The following ATOH8 variants were observed in gnomAD, a reference collection of about 807,000 sequenced individuals.
The protein encoded by ATOH8 is atonal bHLH transcription factor 8.
In ATOH8, 9 loss-of-function variants were observed where a neutral mutation model predicts 21.2. That is an observed-to-expected ratio of 0.42 (90% CI 0.26 to 0.74). ATOH8 has a LOEUF of 0.74. Among genes scored for constraint, ATOH8 ranks in the 30% least tolerant of loss-of-function variants. ATOH8 has a pLI of 0.24. For missense variants in ATOH8, 524 were observed against 470.9 expected (o/e 1.11, Z -1.04); for synonymous variants, 253 against 224.0 (o/e 1.13, Z -1.16).
intron 2 of ATOH8, among the ~76,000 whole-genome samples, chr2:85,764,384 G>T (rs1259019864): frequency 1.3e-5 from 2 of 152,204 alleles, no homozygotes; most frequent in Non-Finnish European, 1.5e-5. Flanking sequence ...GTAACCGGCT[G>T]CTGGGTGACC....
intron 2 of ATOH8, among the ~76,000 whole-genome samples, chr2:85,782,642 G>A (rs1413464760): frequency 1.3e-5 from 2 of 152,104 alleles, no homozygotes; most frequent in African/African-American, 2.4e-5. Context: ...AAATGCCTGT[G>A]ACCAAAAGTA....
intron 1 of ATOH8, among the ~76,000 whole-genome samples, chr2:85,756,105 C>G (rs556345791): frequency 7.2e-6 from 1 of 139,610 alleles, no homozygotes; most frequent in African/African-American, 2.7e-5. Context: ...AAATTGAATC[C>G]TTGGAGGAAA....
intron 2 of ATOH8, among the ~76,000 whole-genome samples, chr2:85,764,983 G>C (rs1679970075): frequency 1.3e-5 from 2 of 152,228 alleles, no homozygotes; most frequent in Non-Finnish European, 2.9e-5. Context: ...CTTGTACGAA[G>C]CCTGATGTGG....
rs1437112645 is a variant in ATOH8 at position 85,790,831 on chromosome 2, G to A, written c.*3941G>A. ...CGCTGTGGTCAGCCGTGGGAAGCCGGCGAGGGGACTGGAGTTGGGGCTACA... is the reference window on the plus strand; with the variant it reads ...CGCTGTGGTCAGCCGTGGGAAGCCGACGAGGGGACTGGAGTTGGGGCTACA... On this transcript the variant is annotated 3_prime_UTR_variant, in exon 3 of 3. Transcript: ENST00000306279. Among the ~76,000 whole-genome samples, 1 of 152,200 alleles carries A rather than the reference G, an allele frequency of 6.6e-6. No homozygotes were observed. The highest frequency in any genetic ancestry group is 1.5e-5 in the Non-Finnish European group (1 of 68,038).
chr2:85,777,237 T>C (rs1472229551), intron 2 of ATOH8, among the ~76,000 whole-genome samples: 2 of 152,144 alleles, frequency 1.3e-5, no homozygotes, highest in Non-Finnish European at 2.9e-5. Context: ...CCCCTCGGTA[T>C]GGTCTTTGGA....
chr2:85,755,031 C>A, intron 1 of ATOH8, 74 bp downstream of exon 1: 4 of 1,479,958 alleles, frequency 2.7e-6, no homozygotes. Context: ...GTGGCCGGGG[C>A]GGGATAGAGG....
Position 85,766,020 on chromosome 2 carries a change from CT to C in ATOH8, c.960+1839del, listed in dbSNP as rs1680005519. Among the ~76,000 whole-genome samples the C allele has an allele frequency of 6.6e-6, 1 of 152,110 alleles. No homozygotes were observed. The highest frequency in any genetic ancestry group is 2.4e-5 in the African/African-American group (1 of 41,404). On this transcript the variant is annotated intron_variant, in intron 2 of 2. Transcript: ENST00000306279. The surrounding 1 kb of genome is among the most constrained non-coding windows in gnomAD (Gnocchi z 4.0). The stretch of plus-strand genomic sequence containing the variant: ...CCCGAGTTCAAGCCCTGGCTCACCA[CT>C]CACCAGCTGTGTTATCCTGCACCCA...
intron 1 of ATOH8, among the ~76,000 whole-genome samples, chr2:85,759,066 A>C (rs1324428564): frequency 6.6e-6 from 1 of 152,150 alleles, no homozygotes; most frequent in Non-Finnish European, 1.5e-5. Context: ...CTCTCTACGG[A>C]GGACATGCCA....
intron 2 of ATOH8, among the ~76,000 whole-genome samples, chr2:85,771,433 A>G (rs922761088): frequency 2.0e-5 from 3 of 152,190 alleles, no homozygotes; most frequent in Non-Finnish European, 4.4e-5. Context: ...TCATGAATTT[A>G]TAGCTACAAG....
At chr2:85,770,453 G>A (rs1680150422) in intron 2 of ATOH8, among the ~76,000 whole-genome samples, 1 of 152,040 alleles carries the variant, frequency 6.6e-6, no homozygotes, top group Admixed American at 6.5e-5. Context: ...AGGGGGGTGG[G>A]TGGGAAACCA....
At chr2:85,783,066 C>T (rs778924832) in intron 2 of ATOH8, among the ~76,000 whole-genome samples, 12 of 152,184 alleles carry the variant, frequency 7.9e-5, no homozygotes, top group African/African-American at 1.9e-4. Context: ...AAACAGGCCA[C>T]GTCCCTGCCC....
chr2:85,780,970 T>C (rs1680471263), intron 2 of ATOH8: 1 of 987,788 alleles, frequency 1.0e-6, no homozygotes, highest in Non-Finnish European at 1.2e-6. Context: ...TCCAGGTCCC[T>C]GGGGAGCTTG....
rs1680645278 is a variant in ATOH8 at position 85,787,263 on chromosome 2, T to G, written c.*373T>G. On this transcript the variant is annotated 3_prime_UTR_variant, in exon 3 of 3. Transcript: ENST00000306279. ...AAAAGCCACACCGTTGCTCTGTGAC[T>G]TTTGCTCCTCCTGTTGCCTGAGCCC... is the stretch of plus-strand genomic sequence containing the variant. The G allele has an allele frequency of 7.5e-6, 2 of 266,196 alleles. No individual in the cohort carries two copies. The highest frequency in any genetic ancestry group is 1.4e-5 in the Non-Finnish European group (2 of 139,100). The allele number at this position is 266,196 out of a possible 1,614,324, so 16.5% of individuals were successfully genotyped here.
chr2:85,778,425 A>G (rs1429957681), intron 2 of ATOH8, among the ~76,000 whole-genome samples: 3 of 152,180 alleles, frequency 2.0e-5, no homozygotes, highest in Non-Finnish European at 2.9e-5. Context: ...CTTAGGGACA[A>G]TGGAAGAGGC....
At chr2:85,757,732 G>C (rs1471210011) in intron 1 of ATOH8, among the ~76,000 whole-genome samples, 2 of 151,836 alleles carry the variant, frequency 1.3e-5, no homozygotes, top group African/African-American at 4.8e-5. Context: ...GTTGAGAAGA[G>C]AAAGTGAGGA....
intron 1 of ATOH8, 78 bp from the exon 2 acceptor site, chr2:85,763,913 C>A: frequency 7.2e-7 from 1 of 1,389,982 alleles, no homozygotes; most frequent in Non-Finnish European, 9.9e-7. Flanking sequence ...TCAGATATAC[C>A]ATAGACAGGC....
At chr2:85,769,281 G>A (rs1257462964) in intron 2 of ATOH8, among the ~76,000 whole-genome samples, 1 of 152,244 alleles carries the variant, frequency 6.6e-6, no homozygotes, top group Non-Finnish European at 1.5e-5. Context: ...GTAAGTTCCT[G>A]CCCTCAAGTT....
In ATOH8 at chr2:85,754,826, C is replaced by G. The variant is rs1307081400; in HGVS notation, c.637C>G (p.Arg213Gly). The G allele has an allele frequency of 1.2e-6, 2 of 1,612,630 alleles. No homozygotes were observed. The highest frequency in any genetic ancestry group is 1.7e-6 in the Non-Finnish European group (2 of 1,179,930). ...GGATTCCTCCGCGTCGCCTAGGAAA[C>G]GACCGGGCGAAGCGACTGCCGCCTC... is the stretch of plus-strand genomic sequence containing the variant. The part of the protein sequence containing the change: ...HQDSSASPRK[R>G]PGEATAASSE... The change falls in exon 1 of 3, where the codon CGA becomes GGA. Residue 213 changes from arginine to glycine, a missense_variant. Coordinates refer to ENST00000306279, the MANE Select transcript of ATOH8 (RefSeq NM_032827.7).
chr2:85,790,625 C>T lies in ATOH8; in HGVS notation c.*3735C>T, dbSNP rs1223249430. Among the ~76,000 whole-genome samples the T allele has an allele frequency of 6.6e-6, 1 of 152,228 alleles. No homozygotes were observed. Among genetic ancestry groups the T allele is most frequent in the East Asian group, 1.9e-4 (1 of 5,204 alleles). ...GATTTCTCCACCTCCACCAAGTTCC[C>T]CTTTCTCACAGCTAGTGGAGGCATG... On this transcript the variant is annotated 3_prime_UTR_variant, in exon 3 of 3. Transcript: ENST00000306279.
Sources: gnomAD v4.1 joint callset for allele counts (sites outside exome capture counted in the v4.1 genomes callset) on GRCh38, gnomAD v4.1.1 for gene constraint, Gnocchi (gnomAD v3.1) non-coding constraint, MANE v1.5 for transcripts, NCBI Gene and HGNC (gene_info 2026-07-23, HGNC 2026-07-21) for gene names.